Variants in PLIN3 observed in about 807,000 individuals in gnomAD.
The protein encoded by PLIN3 is perilipin 3.
PLIN3 carries 30 observed loss-of-function variants against 35.9 expected under a neutral mutation model. The observed-to-expected ratio is 0.84, with a 90% CI of 0.62 to 1.13. The LOEUF is 1.13. Ranked by LOEUF, PLIN3 falls within the 50% of genes most tolerant of loss-of-function variation. The probability of loss-of-function intolerance (pLI) is 0.00; values close to 1 mark genes in which losing one functional copy is unlikely to be tolerated. For missense variants in PLIN3, 603 were observed against 596.9 expected, an observed-to-expected ratio of 1.01 and a Z score of -0.11; for synonymous variants, 261 against 262.5, an observed-to-expected ratio of 0.99 and a Z score of 0.06.
At chr19:4,840,793 A>T (rs2029880510) in intron 7 of PLIN3, among the ~76,000 whole-genome samples, 1 of 152,160 alleles carries the variant, frequency 6.6e-6, no homozygotes, top group Non-Finnish European at 1.5e-5. Flanking sequence ...TAAAGATACA[A>T]AATTAGCCGG....
At chr19:4,848,722 C>T (rs2030187937) in intron 5 of PLIN3, among the ~76,000 whole-genome samples, 1 of 152,118 alleles carries the variant, frequency 6.6e-6, no homozygotes, top group South Asian at 2.1e-4. Flanking sequence ...CAAAAATTAG[C>T]CAGGCGTGAT....
At chr19:4,861,073 T>A (rs1025101645) in intron 2 of PLIN3, among the ~76,000 whole-genome samples, 1 of 152,170 alleles carries the variant, frequency 6.6e-6, no homozygotes, top group Non-Finnish European at 1.5e-5. Flanking sequence ...TGAGGATGAT[T>A]TGGCTCAGGG....
At chr19:4,846,184 C>T (rs1411839250) in intron 6 of PLIN3, among the ~76,000 whole-genome samples, 1 of 151,570 alleles carries the variant, frequency 6.6e-6, no homozygotes, top group Non-Finnish European at 1.5e-5. Flanking sequence ...TGAGATCGCG[C>T]CACAAAAAGA....
chr19:4,854,297 C>T (rs545151927), intron 4 of PLIN3, among the ~76,000 whole-genome samples: 1 of 152,244 alleles, frequency 6.6e-6, no homozygotes, highest in Admixed American at 6.6e-5. Context: ...ACCACACCTG[C>T]CCCATTCCTA....
chr19:4,851,921 CAGTG>C, intron 5 of PLIN3, 91 bp downstream of exon 5: 1 of 1,298,294 alleles, frequency 7.7e-7, no homozygotes, highest in East Asian at 2.5e-5. Flanking sequence ...GACGAGGCGG[CAGTG>C]AGTGTCGGCA....
chr19:4,867,326 A>G (rs1040990974), intron 1 of PLIN3, among the ~76,000 whole-genome samples: 3 of 152,084 alleles, frequency 2.0e-5, no homozygotes, highest in Non-Finnish European at 4.4e-5. Context: ...GGGGGGCGGT[A>G]TTTAGCCCAC....
chr19:4,852,453 T>G (rs898313034), intron 4 of PLIN3, 152 bp from the exon 5 acceptor site: 19 of 924,420 alleles, frequency 2.1e-5, no homozygotes, highest in Admixed American at 1.4e-4. Flanking sequence ...TGGGCACCCC[T>G]CCCCTGCACC....
intron 7 of PLIN3, among the ~76,000 whole-genome samples, chr19:4,842,106 C>T (rs1445493774): frequency 6.6e-6 from 1 of 151,690 alleles, no homozygotes; most frequent in Non-Finnish European, 1.5e-5. Context: ...GCCTGGCCAA[C>T]ATGGTGAGAC....
intron 4 of PLIN3, among the ~76,000 whole-genome samples, chr19:4,857,338 G>C (rs1466525151): frequency 6.6e-6 from 1 of 152,060 alleles, no homozygotes; most frequent in East Asian, 1.9e-4. Flanking sequence ...AGGAGGCTGA[G>C]GCAGGAGGAT....
chr19:4,854,201 G>T (rs906171330), intron 4 of PLIN3, among the ~76,000 whole-genome samples: 1 of 152,010 alleles, frequency 6.6e-6, no homozygotes, highest in Non-Finnish European at 1.5e-5. Flanking sequence ...CCAAAGTGCT[G>T]GGATGACCGA....
intron 7 of PLIN3, among the ~76,000 whole-genome samples, chr19:4,841,562 C>G (rs182252145): frequency 1.3e-5 from 2 of 149,458 alleles, no homozygotes; most frequent in South Asian, 4.2e-4. Flanking sequence ...GCTTTAAATG[C>G]GTGACTTGTA....
intron 7 of PLIN3, among the ~76,000 whole-genome samples, chr19:4,841,164 C>A (rs2029885050): frequency 2.0e-5 from 3 of 152,128 alleles, no homozygotes; most frequent in African/African-American, 7.2e-5. Context: ...TACGTCCACA[C>A]ACAAAGACAT....
chr19:4,858,541 CT>C (rs918558593), intron 4 of PLIN3, among the ~76,000 whole-genome samples: 1 of 148,982 alleles, frequency 6.7e-6, no homozygotes, highest in Admixed American at 6.7e-5. Flanking sequence ...CCACGCCAAG[CT>C]AATTTTTTTT....
chr19:4,847,660 G>A, intron 6 of PLIN3, 31 bp downstream of exon 6: 1 of 1,548,980 alleles, frequency 6.5e-7, no homozygotes. Flanking sequence ...GAAGGCTGCT[G>A]GCTCAGGGCC....
intron 4 of PLIN3, among the ~76,000 whole-genome samples, chr19:4,853,285 G>A (rs559616067): frequency 1.5e-4 from 23 of 151,952 alleles, no homozygotes; most frequent in Non-Finnish European, 2.1e-4. Context: ...CCACAGGCAC[G>A]TACCACCACT....
intron 6 of PLIN3, among the ~76,000 whole-genome samples, chr19:4,845,191 T>A (rs746575630): frequency 1.3e-5 from 2 of 151,662 alleles, no homozygotes; most frequent in Non-Finnish European, 2.9e-5. Flanking sequence ...TTTGGGAGGT[T>A]GAGGTGGGTG....
chr19:4,864,098 A>AGTGTGTGTGT (rs71170861), intron 1 of PLIN3, among the ~76,000 whole-genome samples: 18 of 125,374 alleles, frequency 1.4e-4, no homozygotes, highest in African/African-American at 2.9e-4. Flanking sequence ...ACACCTGGCT[A>AGTGTGTGTGT]GTGTGTGTGT....
intron 1 of PLIN3, among the ~76,000 whole-genome samples, chr19:4,863,621 C>T (rs958902913): frequency 6.6e-6 from 1 of 151,572 alleles, no homozygotes; most frequent in Non-Finnish European, 1.5e-5. Flanking sequence ...GAGGTGGAGA[C>T]CAGCCTGGCC....
At chr19:4,852,567 C>T (rs770418842) in intron 4 of PLIN3, among the ~76,000 whole-genome samples, 8 of 152,246 alleles carry the variant, frequency 5.3e-5, no homozygotes, top group Non-Finnish European at 1.2e-4. Context: ...TACCTAGGCT[C>T]CGTTCCTAGC....
Sources: gnomAD v4.1 joint callset for allele counts (sites outside exome capture counted in the v4.1 genomes callset) on GRCh38, gnomAD v4.1.1 for gene constraint, MANE v1.5 for transcripts, NCBI Gene and HGNC (gene_info 2026-07-23, HGNC 2026-07-21) for gene names.